Variants in MRAS observed in about 807,000 individuals in gnomAD.
MRAS encodes the protein ras-related protein M-Ras.
A neutral mutation model predicts 20.9 loss-of-function variants in MRAS; 4 were observed. That is an observed-to-expected ratio of 0.19 (90% confidence interval 0.09 to 0.44). MRAS has a LOEUF of 0.44. Among genes scored for constraint, MRAS ranks in the 20% least tolerant of loss-of-function variants. MRAS has a pLI of 0.99. For missense variants in MRAS, 154 were observed against 277.5 expected (o/e 0.56, Z 3.16); for synonymous variants, 98 against 102.9 (o/e 0.95, Z 0.29).
rs1251096871 is a variant in MRAS at position 138,402,333 on chromosome 3, A to G, written c.*64A>G. 87 of 1,351,750 alleles carry G rather than the reference A, an allele frequency of 6.4e-5. No homozygotes were observed. Among genetic ancestry groups the G allele is most frequent in the Non-Finnish European group, 9.0e-5 (86 of 953,048 alleles). The allele number at this position is 1,351,750 out of a possible 1,614,324, so 83.7% of individuals were successfully genotyped here. ...CAGCCCTCGGGACCCCTCCCCACCT[A>G]ACTGCACTGAAACCATTTCTAACCA... On this transcript the variant is annotated 3_prime_UTR_variant, in exon 6 of 6. Transcript: ENST00000423968.
chr3:138,397,536 GCTCT>G (rs371472549), intron 3 of MRAS, 59 bp downstream of exon 3: 39 of 1,544,110 alleles, frequency 2.5e-5, no homozygotes, highest in Non-Finnish European at 3.2e-5. Flanking sequence ...CTCCTAGGGC[GCTCT>G]CTCTCTCTCT....
At chr3:138,362,360 C>T (rs1210560115) in intron 1 of MRAS, among the ~76,000 whole-genome samples, 2 of 152,160 alleles carry the variant, frequency 1.3e-5, no homozygotes, top group Non-Finnish European at 2.9e-5. Flanking sequence ...GCCTCTCTCC[C>T]CTTGGTAAAA....
intron 1 of MRAS, among the ~76,000 whole-genome samples, chr3:138,358,168 C>T (rs1331139766): frequency 6.6e-6 from 1 of 152,020 alleles, no homozygotes; most frequent in African/African-American, 2.4e-5. Flanking sequence ...AACCCCATCT[C>T]TACTAAAAAA....
chr3:138,359,622 C>T (rs933115426), intron 1 of MRAS, among the ~76,000 whole-genome samples: 2 of 152,160 alleles, frequency 1.3e-5, no homozygotes, highest in African/African-American at 4.8e-5. Context: ...CCTTTTTGGC[C>T]TCCACCTCTC....
At chr3:138,348,912 C>G (rs2054169791) in intron 1 of MRAS, 145 bp downstream of exon 1, 1 of 152,158 alleles carries the variant, frequency 6.6e-6, no homozygotes, top group Admixed American at 6.5e-5. Context: ...CTGGGACCGG[C>G]TGTGCGTGGC....
intron 1 of MRAS, among the ~76,000 whole-genome samples, chr3:138,370,136 G>A (rs1225421941): frequency 6.6e-6 from 1 of 152,102 alleles, no homozygotes; most frequent in Non-Finnish European, 1.5e-5. Flanking sequence ...TGGCCAACAT[G>A]GTGAAACCTG....
intron 1 of MRAS, among the ~76,000 whole-genome samples, chr3:138,359,123 G>A (rs1034718561): frequency 2.6e-4 from 39 of 152,184 alleles, no homozygotes; most frequent in Admixed American, 2.3e-3. Flanking sequence ...GCCTTGCCTC[G>A]CAGGAATGGA....
At chr3:138,389,181 C>G (rs1047588030) in intron 2 of MRAS, among the ~76,000 whole-genome samples, 2 of 151,962 alleles carry the variant, frequency 1.3e-5, no homozygotes, top group Non-Finnish European at 2.9e-5. Context: ...AGTGATCTCC[C>G]CTAAAGCTGG....
rs2054164090 is a variant in MRAS, at chr3:138,348,700, C to T, written c.-86C>T. On this transcript the variant is annotated 5_prime_UTR_variant, in exon 1 of 6. Coordinates refer to ENST00000423968, the MANE Select transcript of MRAS (RefSeq NM_001085049.3). ...CGGGGCCCGGCGGGCGCGACGCTGC[C>T]TCCTCACCGGCGCAGGCTAGGAGGG... 6.6e-6 allele frequency: 1 copy of T among 151,728 alleles called. No homozygotes were observed. The allele number at this position is 151,728 out of a possible 1,614,324, so 9.4% of individuals were successfully genotyped here. A position where few individuals can be genotyped will look rare whatever the true frequency, so the allele number is the denominator to read the frequency against.
chr3:138,365,069 C>A (rs941313397), intron 1 of MRAS, among the ~76,000 whole-genome samples: 1 of 152,176 alleles, frequency 6.6e-6, no homozygotes, highest in Admixed American at 6.5e-5. Context: ...TTTCAGATCC[C>A]GACACTGCCT....
intron 2 of MRAS, among the ~76,000 whole-genome samples, chr3:138,395,959 C>T (rs973309043): frequency 9.9e-5 from 15 of 152,230 alleles, no homozygotes; most frequent in Non-Finnish European, 1.6e-4. Context: ...GCCGTTACCC[C>T]TGGGAGCTAA....
chr3:138,400,271 G>A (rs2055332132), intron 4 of MRAS: 1 of 394,604 alleles, frequency 2.5e-6, no homozygotes, highest in South Asian at 4.8e-5. Context: ...TATATAAAAA[G>A]ATCACTTTAT....
At chr3:138,383,069 A>T (rs1448262149) in intron 2 of MRAS, among the ~76,000 whole-genome samples, 1 of 152,184 alleles carries the variant, frequency 6.6e-6, no homozygotes, top group South Asian at 2.1e-4. Flanking sequence ...CATCAGTGGG[A>T]TCTGTATCCA....
intron 1 of MRAS, among the ~76,000 whole-genome samples, chr3:138,365,053 G>A (rs887010544): frequency 2.0e-5 from 3 of 152,326 alleles, no homozygotes; most frequent in African/African-American, 7.2e-5. Flanking sequence ...GAACCACACT[G>A]TGTTGTTTCA....
intron 2 of MRAS, among the ~76,000 whole-genome samples, chr3:138,381,528 C>T (rs1487733112): frequency 1.3e-5 from 2 of 152,258 alleles, no homozygotes; most frequent in Non-Finnish European, 1.5e-5. Flanking sequence ...TGGGCCTCCC[C>T]ACCCTCTGGC....
At chr3:138,381,030 C>T (rs1194377411) in intron 2 of MRAS, among the ~76,000 whole-genome samples, 1 of 152,148 alleles carries the variant, frequency 6.6e-6, no homozygotes, top group Admixed American at 6.5e-5. Context: ...GCCTCGGCCT[C>T]CCAAAGTGTT....
At chr3:138,387,621 C>T (rs1437976962) in intron 2 of MRAS, among the ~76,000 whole-genome samples, 2 of 152,164 alleles carry the variant, frequency 1.3e-5, no homozygotes, top group African/African-American at 2.4e-5. Flanking sequence ...TATAGGCCAG[C>T]GCTCCCAGTT....
chr3:138,399,424 A>G (rs1576390700), intron 4 of MRAS, among the ~76,000 whole-genome samples: 1 of 152,202 alleles, frequency 6.6e-6, no homozygotes, highest in Admixed American at 6.5e-5. Context: ...TCTGTTGGCT[A>G]CAACAGAAGT....
At chr3:138,397,536 GCT>G (rs371472549) in intron 3 of MRAS, 59 bp downstream of exon 3, 8,928 of 1,463,494 alleles carry the variant, frequency 6.1e-3, no homozygotes, top group South Asian at 8.0e-3. Context: ...CTCCTAGGGC[GCT>G]CTCTCTCTCT....
Sources: gnomAD v4.1 joint callset for allele counts (sites outside exome capture counted in the v4.1 genomes callset) on GRCh38, gnomAD v4.1.1 for gene constraint, MANE v1.5 for transcripts, NCBI Gene and HGNC (gene_info 2026-07-23, HGNC 2026-07-21) for gene names.